PCSK6: variants seen among roughly 807,000 people sequenced by gnomAD.
PCSK6 encodes the protein paired basic amino acid cleaving enzyme 4.
In PCSK6, 85 loss-of-function variants were observed where a neutral mutation model predicts 123.3. The observed-to-expected ratio is 0.69, with a 90% CI of 0.58 to 0.83. The LOEUF is 0.83. PCSK6 is among the 40% of genes least tolerant of loss of function. The pLI is 0.00. For synonymous variants in PCSK6, 508 were observed against 516.0 expected, an observed-to-expected ratio of 0.98 and a Z score of 0.21; for missense variants, 1,191 against 1,282.3, an observed-to-expected ratio of 0.93 and a Z score of 1.09.
chr15:101,332,078 CTG>C, intron 13 of PCSK6, 47 bp from the exon 14 acceptor site: 3 of 1,514,332 alleles, frequency 2.0e-6, no homozygotes, highest in Non-Finnish European at 2.7e-6. Flanking sequence ...GCCAAGACCT[CTG>C]TCACTCACAG....
chr15:101,332,413 G>A lies in PCSK6; in HGVS notation c.1859-382C>T, dbSNP rs78789838. On this transcript the variant is annotated intron_variant, in intron 13 of 21. Transcript: ENST00000611716. ...CTAGCAGCAGCCACCTTCCCGTCTT[G>A]GGATATCCGGTGGGTAAATCTGGTG... Among the ~76,000 whole-genome samples, 1,785 of 152,288 alleles carry A rather than the reference G, an allele frequency of 0.012. 86 individuals carry two copies. The East Asian group carries it at 0.14, about 12-fold the overall frequency.
At chr15:101,350,669 C>A (rs568659234) in intron 13 of PCSK6, among the ~76,000 whole-genome samples, 1 of 152,214 alleles carries the variant, frequency 6.6e-6, no homozygotes, top group Non-Finnish European at 1.5e-5. Flanking sequence ...CTGGTTGCGA[C>A]GTATATTCCT....
intron 1 of PCSK6, among the ~76,000 whole-genome samples, chr15:101,480,586 T>G (rs1424114025): frequency 6.6e-6 from 1 of 152,198 alleles, no homozygotes; most frequent in Non-Finnish European, 1.5e-5. Flanking sequence ...CGCCTGCTGC[T>G]GGGTCCTCCA....
At chr15:101,403,348 C>G (rs912584914) in intron 6 of PCSK6, among the ~76,000 whole-genome samples, 45 of 150,152 alleles carry the variant, frequency 3.0e-4, no homozygotes, top group African/African-American at 1.1e-3. Flanking sequence ...GTGCAGCACA[C>G]CAGCATGGCA....
chr15:101,481,657 G>A (rs755920579), intron 1 of PCSK6, among the ~76,000 whole-genome samples: 1 of 152,172 alleles, frequency 6.6e-6, no homozygotes, highest in Non-Finnish European at 1.5e-5. Context: ...GACAGGCTTG[G>A]GGGAGCACGG....
At chr15:101,402,716 A>G (rs1389736774) in intron 6 of PCSK6, among the ~76,000 whole-genome samples, 6 of 152,284 alleles carry the variant, frequency 3.9e-5, no homozygotes, top group African/African-American at 1.4e-4. Context: ...CAAAACCACA[A>G]TGAGATATCA....
At chr15:101,400,849 G>C (rs997454264) in intron 6 of PCSK6, among the ~76,000 whole-genome samples, 1 of 152,202 alleles carries the variant, frequency 6.6e-6, no homozygotes, top group Non-Finnish European at 1.5e-5. Context: ...AGATGATTTC[G>C]CTGCAGTAAA....
In PCSK6 at chr15:101,344,096, A is replaced by G. The variant is rs375956917; in HGVS notation, c.1859-12065T>C. 3.4e-5 allele frequency among the ~76,000 whole-genome samples: 5 copies of G among 146,152 alleles called. No homozygotes were observed. In the East Asian group the frequency reaches 5.8e-4, roughly 17 times the overall value. On this transcript the variant is annotated intron_variant, in intron 13 of 21. Coordinates refer to ENST00000611716, the MANE Select transcript of PCSK6 (RefSeq NM_002570.5). ...GTCTCAAAAAAAAAAATAAATAAAT[A>G]AAAAATTTGGTGTATTATTCTGTTG...
intron 11 of PCSK6, 67 bp downstream of exon 11, chr15:101,382,025 C>A (rs1270901462): frequency 9.2e-7 from 1 of 1,082,036 alleles, no homozygotes; most frequent in Non-Finnish European, 1.4e-6. Context: ...CCCAGCCACA[C>A]CTTACAACAG....
chr15:101,418,697 C>A (rs2055977013), intron 6 of PCSK6, among the ~76,000 whole-genome samples: 1 of 151,944 alleles, frequency 6.6e-6, no homozygotes, highest in South Asian at 2.1e-4. Context: ...ATTTTTAGTA[C>A]AAACAGGGTT....
chr15:101,337,835 C>T (rs575035254), intron 13 of PCSK6, among the ~76,000 whole-genome samples: 9 of 152,226 alleles, frequency 5.9e-5, no homozygotes, highest in Non-Finnish European at 8.8e-5. Context: ...TTTTTTTTTA[C>T]AGCAAAATAC....
rs182320825 is a variant in PCSK6 at position 101,488,491 on chromosome 15, G to A, written c.297+883C>T. Among the ~76,000 whole-genome samples, 101 of 152,336 alleles carry A rather than the reference G, an allele frequency of 6.6e-4. 2 individuals carry two copies. Among genetic ancestry groups the A allele is most frequent in the African/African-American group, 2.4e-3 (100 of 41,590 alleles). On this transcript the variant is annotated intron_variant, in intron 1 of 21. Transcript: ENST00000611716. Reference sequence around the variant, plus strand: ...CTGACAGAAGAGGGGACAGCCGAGGGCTGCGGGGCTGGGAGGGCCCCGTGG... The same window carrying A: ...CTGACAGAAGAGGGGACAGCCGAGGACTGCGGGGCTGGGAGGGCCCCGTGG...
At chr15:101,386,694 G>C (rs572335435) in intron 9 of PCSK6, among the ~76,000 whole-genome samples, 2 of 152,334 alleles carry the variant, frequency 1.3e-5, no homozygotes, top group South Asian at 4.1e-4. Flanking sequence ...AAGGCTGAAT[G>C]TTCCACGTGT....
chr15:101,321,189 G>A (rs185342137), intron 18 of PCSK6, among the ~76,000 whole-genome samples: 1 of 152,302 alleles, frequency 6.6e-6, no homozygotes, highest in East Asian at 1.9e-4. Context: ...CCAGCGGAAT[G>A]CCTCCTTCCT....
chr15:101,322,453 T>C, intron 18 of PCSK6, 67 bp downstream of exon 18: 1 of 1,109,616 alleles, frequency 9.0e-7, no homozygotes, highest in Non-Finnish European at 1.4e-6. Context: ...ACCAACGTGG[T>C]AAATCCATAA....
At chr15:101,455,864 T>C (rs2057164927) in intron 1 of PCSK6, among the ~76,000 whole-genome samples, 1 of 152,202 alleles carries the variant, frequency 6.6e-6, no homozygotes, top group Non-Finnish European at 1.5e-5. Flanking sequence ...TTGCAAAGCA[T>C]ATCTTGGCTT....
intron 1 of PCSK6, among the ~76,000 whole-genome samples, chr15:101,465,690 A>AG (rs11422929): frequency 0.81 from 123,065 of 151,954 alleles, 50,165 homozygotes; most frequent in African/African-American, 0.84. Flanking sequence ...TGGGGCCGTG[A>AG]GGGGGACATT....
At chr15:101,336,547 C>T (rs963332713) in intron 13 of PCSK6, among the ~76,000 whole-genome samples, 5 of 152,176 alleles carry the variant, frequency 3.3e-5, no homozygotes, top group Non-Finnish European at 5.9e-5. Flanking sequence ...ATATGAGAAA[C>T]GGAGCATCCT....
At chr15:101,436,294 T>C (rs1231545671) in intron 2 of PCSK6, among the ~76,000 whole-genome samples, 2 of 152,064 alleles carry the variant, frequency 1.3e-5, no homozygotes, top group Non-Finnish European at 2.9e-5. Flanking sequence ...CCCCCAGCGG[T>C]CCAGGGGTCC....
Sources: gnomAD v4.1 joint callset for allele counts (sites outside exome capture counted in the v4.1 genomes callset) on GRCh38, gnomAD v4.1.1 for gene constraint, MANE v1.5 for transcripts, NCBI Gene and HGNC (gene_info 2026-07-23, HGNC 2026-07-21) for gene names.